Variants in TOMM20L observed in about 807,000 individuals in gnomAD.
TOMM20L encodes translocase of outer mitochondrial membrane 20 like.
A neutral mutation model predicts 20.4 loss-of-function variants in TOMM20L; 19 were observed. The observed-to-expected ratio is 0.93, with a 90% CI of 0.65 to 1.36. The LOEUF is 1.36. Ranked by LOEUF, TOMM20L falls within the 40% of genes most tolerant of loss-of-function variation. The pLI is 0.00. For missense variants in TOMM20L, 218 were observed against 203.7 expected (o/e 1.07, Z -0.43); for synonymous variants, 75 against 79.6 (o/e 0.94, Z 0.30).
At chr14:58,415,454 T>C in the TOMM20L span, among the ~76,000 whole-genome samples, 3 of 152,188 alleles carry the variant, frequency 2.0e-5, no homozygotes, top group Non-Finnish European at 4.4e-5. Flanking sequence ...AATACTTCAG[T>C]GAGCAATTAT....
At chr14:58,404,099 G>GTGTGTGTGTATATATA (rs1408980666) in intron 3 of TOMM20L, among the ~76,000 whole-genome samples, 1 of 22,944 alleles carries the variant, frequency 4.4e-5, no homozygotes, top group East Asian at 2.4e-3. Flanking sequence ...ACATATATAT[G>GTGTGTGTGTATATATA]TATATATATA....
chr14:58,413,745 C>T, the TOMM20L span, among the ~76,000 whole-genome samples: 3 of 152,030 alleles, frequency 2.0e-5, no homozygotes, highest in Admixed American at 6.6e-5. Context: ...TGGTGGCTCA[C>T]GCCTGTAATC....
intron 1 of TOMM20L, 93 bp downstream of exon 1, chr14:58,396,186 G>T (rs1212541651): frequency 2.4e-5 from 34 of 1,438,140 alleles, no homozygotes; most frequent in Non-Finnish European, 2.9e-5. Context: ...CGGGCCGTGA[G>T]TGCCTCAGCC....
chr14:58,400,616 A>G (rs770654741), intron 2 of TOMM20L, among the ~76,000 whole-genome samples: 28 of 152,154 alleles, frequency 1.8e-4, no homozygotes, highest in Middle Eastern at 3.4e-3. Flanking sequence ...GCGGTGGCTC[A>G]GGCCTGTAAT....
intron 3 of TOMM20L, among the ~76,000 whole-genome samples, chr14:58,403,984 T>C (rs1325309501): frequency 6.8e-6 from 1 of 146,168 alleles, no homozygotes; most frequent in Non-Finnish European, 1.5e-5. Context: ...CTTATTCTGG[T>C]GTTAAACCCT....
the TOMM20L span, among the ~76,000 whole-genome samples, chr14:58,417,042 G>C: frequency 6.6e-6 from 1 of 152,124 alleles, no homozygotes; most frequent in Admixed American, 6.6e-5. Context: ...TCTCATGATA[G>C]TGAATAAGTC....
At position 58,408,569 on chromosome 14, in the gene TOMM20L, A is replaced by G; in HGVS notation, c.446A>G (p.Asp149Gly). Residue 149 changes from aspartate to glycine, a missense_variant, in exon 5 of 5, where the codon GAT (aspartate) becomes GGT (glycine). Physicochemically the swap from Asp to Gly is moderately conservative, Grantham distance 94 (BLOSUM62 -1). Transcript: ENST00000360945. ...ADMNEQDCLE[D>G]DPD ...ATGAATGAACAGGACTGCTTGGAGG[A>G]TGATCCTGATTGAAAAACATTTCAA... The G allele has an allele frequency of 6.2e-7, 1 of 1,614,108 alleles. No individual in the cohort carries two copies. The highest frequency in any genetic ancestry group is 8.5e-7 in the Non-Finnish European group (1 of 1,179,978).
chr14:58,400,215 G>C (rs1010176485), intron 2 of TOMM20L, among the ~76,000 whole-genome samples: 6 of 151,690 alleles, frequency 4.0e-5, no homozygotes, highest in African/African-American at 7.3e-5. Flanking sequence ...AGACCAGTCT[G>C]GCCAACATGG....
chr14:58,402,633 T>C, intron 2 of TOMM20L, 47 bp from the exon 3 acceptor site: 1 of 1,442,648 alleles, frequency 6.9e-7, no homozygotes, highest in Non-Finnish European at 9.7e-7. Context: ...AGTAGCCATA[T>C]ACCTTACCTT....
chr14:58,408,456 C>A, intron 4 of TOMM20L, 73 bp from the exon 5 acceptor site: 1 of 1,405,156 alleles, frequency 7.1e-7, no homozygotes, highest in Non-Finnish European at 1.0e-6. Flanking sequence ...AATGCCCACC[C>A]TGACACAAGG....
downstream of TOMM20L, chr14:58,408,939 C>T: frequency 6.6e-7 from 1 of 1,506,722 alleles, no homozygotes; most frequent in East Asian, 2.3e-5. Flanking sequence ...AACATGGTGG[C>T]TACTGCTTTC....
chr14:58,408,715 C>T, downstream of TOMM20L: 4 of 847,940 alleles, frequency 4.7e-6, no homozygotes, highest in Non-Finnish European at 7.1e-6. Context: ...TGATCGAACA[C>T]ATAAGTTGCT....
intron 3 of TOMM20L, among the ~76,000 whole-genome samples, chr14:58,405,863 G>A (rs535277483): frequency 3.2e-4 from 49 of 152,210 alleles, no homozygotes; most frequent in African/African-American, 9.4e-4. Flanking sequence ...TGCAGTTCTC[G>A]GTCTTGGCTG....
intron 2 of TOMM20L, among the ~76,000 whole-genome samples, chr14:58,396,669 C>A (rs933628407): frequency 5.9e-5 from 9 of 152,272 alleles, no homozygotes; most frequent in Non-Finnish European, 1.2e-4. Context: ...AAAACCCAGG[C>A]TGGCCACGGT....
At chr14:58,410,772 A>G (rs942609481), downstream of TOMM20L, 3 of 1,037,414 alleles carry the variant, frequency 2.9e-6, no homozygotes, top group African/African-American at 1.6e-5. Context: ...AACAAGTGAA[A>G]TGCTTAAGGG....
rs1468443016 is a variant in TOMM20L at position 58,407,614 on chromosome 14, G to A, written c.405+146G>A. On this transcript the variant is annotated intron_variant, in intron 4 of 4. Coordinates refer to ENST00000360945, the MANE Select transcript of TOMM20L (RefSeq NM_207377.3). ...TCTGAATTTTTGGCTGCTTTAACAC[G>A]AAGCAAGCCTATTCTTCATTTTCCT... 38 of 754,890 alleles carry A rather than the reference G, an allele frequency of 5.0e-5. 1 individual carries two copies. Among genetic ancestry groups the A allele is most frequent in the South Asian group, 3.3e-4 (15 of 45,098 alleles). 46.8% of individuals were successfully genotyped at this position (754,890 alleles called of 1,614,324 possible).
At chr14:58,411,461 C>A, downstream of TOMM20L, among the ~76,000 whole-genome samples, 1 of 150,568 alleles carries the variant, frequency 6.6e-6, no homozygotes. Flanking sequence ...AAAAAAAGAA[C>A]AAGAAAAATA....
intron 2 of TOMM20L, among the ~76,000 whole-genome samples, chr14:58,400,597 A>G (rs1441886683): frequency 6.6e-6 from 1 of 151,862 alleles, no homozygotes; most frequent in African/African-American, 2.4e-5. Context: ...TTACCCTATT[A>G]TGGCCGGCGC....
downstream of TOMM20L, among the ~76,000 whole-genome samples, chr14:58,411,608 C>T (rs1417299803): frequency 6.6e-6 from 1 of 151,630 alleles, no homozygotes; most frequent in Non-Finnish European, 1.5e-5. Context: ...GCCACGATCT[C>T]GGCTCACTGC....
Sources: gnomAD v4.1 joint callset for allele counts (sites outside exome capture counted in the v4.1 genomes callset) on GRCh38, gnomAD v4.1.1 for gene constraint, MANE v1.5 for transcripts, NCBI Gene and HGNC (gene_info 2026-07-23, HGNC 2026-07-21) for gene names.